The following ECRG4 variants were observed in gnomAD, a reference collection of about 807,000 sequenced individuals.
ECRG4 encodes the protein augurin.
In ECRG4, 18 loss-of-function variants were observed where a neutral mutation model predicts 15.8. The observed-to-expected ratio is 1.14, with a 90% CI of 0.79 to 1.69. The LOEUF (loss-of-function observed/expected upper bound fraction) is 1.69, where lower values mean the gene tolerates loss of function less well. ECRG4 is among the 40% of genes most tolerant of loss of function. The pLI, the probability that ECRG4 is intolerant of heterozygous loss-of-function variation, is 0.00. For synonymous variants in ECRG4, 82 were observed against 73.9 expected, an observed-to-expected ratio of 1.11 and a Z score of -0.56; for missense variants, 200 against 190.9, an observed-to-expected ratio of 1.05 and a Z score of -0.28.
At chr2:106,065,399 C>T (rs1179210621), upstream of ECRG4, among the ~76,000 whole-genome samples, 2 of 152,202 alleles carry the variant, frequency 1.3e-5, no homozygotes, top group African/African-American at 4.8e-5. Context: ...ATGCCTTCTG[C>T]CCTTCCTTGG....
At position 106,077,834 on chromosome 2, in the gene ECRG4, T is replaced by G. The variant is rs1676517000; in HGVS notation, c.355T>G (p.Tyr119Asp). 7 of 1,614,018 alleles carry G rather than the reference T, an allele frequency of 4.3e-6. No individual in the cohort carries two copies. Among genetic ancestry groups the G allele is most frequent in the African/African-American group, 1.3e-5 (1 of 74,918 alleles). Residue 119 changes from tyrosine to aspartate, a missense_variant, in exon 4 of 4, where the codon TAC becomes GAC. By Grantham distance (160) the Tyr-to-Asp change is radical (BLOSUM62 -3). Coordinates refer to ENST00000238044, the MANE Select transcript of ECRG4 (RefSeq NM_032411.3). ...RNGHEYYGDY[Y>D]QRHYDEDSAI... ...TGGACATGAATACTATGGCGATTAC[T>G]ACCAACGTCACTATGATGAAGACTC...
intron 1 of ECRG4, among the ~76,000 whole-genome samples, chr2:106,070,440 G>T (rs1354157316): frequency 6.6e-6 from 1 of 152,124 alleles, no homozygotes; most frequent in Non-Finnish European, 1.5e-5. Flanking sequence ...GGCTGCTTAC[G>T]GACCATGAGT....
At chr2:106,073,761 T>C in intron 2 of ECRG4, 125 bp from the exon 3 acceptor site, 1 of 1,077,380 alleles carries the variant, frequency 9.3e-7, no homozygotes. Context: ...CAAGTAAGAA[T>C]GAAGTTGAGA....
At chr2:106,076,264 T>G (rs1676484434) in intron 3 of ECRG4, among the ~76,000 whole-genome samples, 1 of 152,076 alleles carries the variant, frequency 6.6e-6, no homozygotes, top group African/African-American at 2.4e-5. Flanking sequence ...GAGCTTGCAG[T>G]GAGCTGAGAT....
chr2:106,064,865 C>A (rs1676170132), upstream of ECRG4, among the ~76,000 whole-genome samples: 2 of 152,132 alleles, frequency 1.3e-5, no homozygotes, highest in African/African-American at 4.8e-5. Context: ...AGTTTTTGTT[C>A]ACTACGCCTC....
chr2:106,072,134 T>C (rs944111940), intron 2 of ECRG4: 1 of 480,216 alleles, frequency 2.1e-6, no homozygotes, highest in Non-Finnish European at 3.7e-6. Flanking sequence ...GACTCAAAAA[T>C]AAAAGAAACA....
intron 3 of ECRG4, among the ~76,000 whole-genome samples, chr2:106,076,251 G>A (rs1481030209): frequency 1.3e-5 from 2 of 152,156 alleles, no homozygotes; most frequent in African/African-American, 4.8e-5. Flanking sequence ...CTGGTGGGGG[G>A]TGGAGCTTGC....
At chr2:106,070,502 T>C (rs929070014) in intron 1 of ECRG4, among the ~76,000 whole-genome samples, 6 of 152,222 alleles carry the variant, frequency 3.9e-5, no homozygotes, top group African/African-American at 1.2e-4. Context: ...TTGTAGACAC[T>C]GGGTATGCTA....
chr2:106,074,102 G>A (rs997726689), intron 3 of ECRG4, 59 bp downstream of exon 3: 23 of 1,587,450 alleles, frequency 1.4e-5, no homozygotes, highest in Non-Finnish European at 2.0e-5. Flanking sequence ...CAGGGAGGAG[G>A]CCTGGCTCGG....
intron 2 of ECRG4, among the ~76,000 whole-genome samples, chr2:106,073,098 C>T (rs571222213): frequency 1.3e-5 from 2 of 152,322 alleles, no homozygotes; most frequent in Admixed American, 6.5e-5. Flanking sequence ...TTTTTCCTAA[C>T]GTCATCGAGA....
chr2:106,068,226 ATTT>A (rs1302445644), intron 1 of ECRG4, among the ~76,000 whole-genome samples: 1 of 152,162 alleles, frequency 6.6e-6, no homozygotes, highest in Non-Finnish European at 1.5e-5. Context: ...TCAAAGGAGC[ATTT>A]TGCAGCTCTG....
chr2:106,067,657 A>G (rs1452099570), intron 1 of ECRG4, among the ~76,000 whole-genome samples: 1 of 113,756 alleles, frequency 8.8e-6, no homozygotes, highest in Admixed American at 9.2e-5. Context: ...TTTGTTTTGT[A>G]TTTTTAGTAG....
chr2:106,069,420 G>C (rs1676312924), intron 1 of ECRG4, among the ~76,000 whole-genome samples: 1 of 148,842 alleles, frequency 6.7e-6, no homozygotes, highest in East Asian at 2.0e-4. Context: ...TGCAACTTCT[G>C]TCTCCCAGGT....
intron 3 of ECRG4, among the ~76,000 whole-genome samples, chr2:106,076,934 C>T (rs1202601324): frequency 2.0e-5 from 3 of 152,168 alleles, no homozygotes; most frequent in Non-Finnish European, 4.4e-5. Context: ...TAATCTTGCA[C>T]CTTCACCACC....
intron 1 of ECRG4, among the ~76,000 whole-genome samples, chr2:106,068,474 A>G (rs1436932269): frequency 1.3e-5 from 2 of 152,240 alleles, no homozygotes; most frequent in Non-Finnish European, 2.9e-5. Context: ...AGCAACATTC[A>G]TAATTCATAA....
chr2:106,075,737 A>G (rs186137570), intron 3 of ECRG4, among the ~76,000 whole-genome samples: 17 of 152,176 alleles, frequency 1.1e-4, no homozygotes, highest in African/African-American at 3.4e-4. Context: ...AGAAAAAAAA[A>G]AGAGAGTTTA....
Position 106,065,824 on chromosome 2 carries a change from G to T in ECRG4, c.60G>T (p.Leu20=), listed in dbSNP as rs1448220003. ...VLALTGLALL[L]LLCWGPGGIS... ...CCCTGACCGGGCTGGCGCTGCTCCTGCTCCTGTGCTGGGGCCCAGGTGAGC... is the reference window on the plus strand; with the variant it reads ...CCCTGACCGGGCTGGCGCTGCTCCTTCTCCTGTGCTGGGGCCCAGGTGAGC... Residue 20 remains leucine (L), a synonymous_variant, in exon 1 of 4, where the codon CTG becomes CTT. Transcript: ENST00000238044. The T allele has an allele frequency of 6.7e-7, 1 of 1,485,216 alleles. No homozygotes were observed. Among genetic ancestry groups the T allele is most frequent in the South Asian group, 1.3e-5 (1 of 78,068 alleles). 92.0% of individuals were successfully genotyped at this position (1,485,216 alleles called of 1,614,324 possible). A position where few individuals can be genotyped will look rare whatever the true frequency, so the allele number is the denominator to read the frequency against.
intron 2 of ECRG4, 97 bp from the exon 3 acceptor site, chr2:106,073,789 C>A: frequency 7.0e-7 from 1 of 1,433,640 alleles, no homozygotes; most frequent in Non-Finnish European, 9.7e-7. Context: ...CCCTCCTACA[C>A]ATGGTGGTGG....
chr2:106,072,904 C>T (rs1676402646), intron 2 of ECRG4, among the ~76,000 whole-genome samples: 1 of 152,218 alleles, frequency 6.6e-6, no homozygotes, highest in African/African-American at 2.4e-5. Flanking sequence ...AGTCACAACT[C>T]CTTGGTGTGC....
Sources: gnomAD v4.1 joint callset for allele counts (sites outside exome capture counted in the v4.1 genomes callset) on GRCh38, gnomAD v4.1.1 for gene constraint, MANE v1.5 for transcripts, NCBI Gene and HGNC (gene_info 2026-07-23, HGNC 2026-07-21) for gene names.